ATG4A: variants seen among roughly 807,000 people sequenced by gnomAD.
The protein encoded by ATG4A is cysteine protease ATG4A.
Under a neutral mutation model 38.4 loss-of-function variants are expected in ATG4A, and 22 were observed. The ratio of observed to expected loss-of-function variants is 0.57; its 90% CI spans 0.41 to 0.82. The LOEUF is 0.82. Ranked by LOEUF, ATG4A falls within the 40% of genes least tolerant of loss-of-function variation. The pLI is 0.00. For missense variants in ATG4A, 220 were observed against 290.0 expected (o/e 0.76, Z 1.75); for synonymous variants, 86 against 100.7 (o/e 0.85, Z 0.88).
At chrX:108,126,021 C>A in intron 1 of ATG4A, 56 bp from the exon 2 acceptor site, 1 of 815,197 alleles carries the variant, frequency 1.2e-6, no homozygotes, top group Non-Finnish European at 1.8e-6. Flanking sequence ...AATCAGTCAA[C>A]CACAAAGATA....
intron 9 of ATG4A, chrX:108,143,700 A>G: frequency 4.1e-6 from 1 of 242,738 alleles, no homozygotes; most frequent in South Asian, 4.3e-5. Context: ...CTCTGGAACT[A>G]AGAACTCTAG....
chrX:108,089,038 A>G (rs2031532610), upstream of ATG4A, among the ~76,000 whole-genome samples: 2 of 112,541 alleles, frequency 1.8e-5, no homozygotes, highest in Non-Finnish European at 3.8e-5. Context: ...CATGGGGAGA[A>G]TGACATTGAT....
At chrX:108,153,585 G>T in intron 12 of ATG4A, 57 bp from the exon 13 acceptor site, 1 of 965,664 alleles carries the variant, frequency 1.0e-6, no homozygotes, top group South Asian at 2.0e-5. Flanking sequence ...AGTATTTACT[G>T]ACCACTTCAA....
Position 108,151,833 on chromosome X carries a change from A to G in ATG4A, c.992A>G (p.Asp331Gly). 1 of 1,209,479 alleles carries G rather than the reference A, an allele frequency of 8.3e-7. No individual in the cohort carries two copies. The highest frequency in any genetic ancestry group is 1.1e-6 in the Non-Finnish European group (1 of 893,660). The change falls in exon 11 of 13, where the codon GAT becomes GGT. Residue 331 changes from aspartate to glycine, a missense_variant. Asp to Gly is a moderately conservative substitution (Grantham distance 94). This residue lies in a region of ATG4A where 159 missense variants were observed against 188.9 expected (regional missense o/e 0.84). Transcript: ENST00000372232. The stretch of plus-strand genomic sequence containing the variant: ...TTCTGCAAAGAAGAAAAAGACTTTG[A>G]TAACTGGTGTAGCCTTGTTCAGAAG... ...GFFCKEEKDFDNWCSLVQKEI... is the reference protein window; with the variant it reads ...GFFCKEEKDFGNWCSLVQKEI...
At chrX:108,092,020 G>C in intron 1 of ATG4A, 184 bp downstream of exon 1, 1 of 740,720 alleles carries the variant, frequency 1.4e-6, no homozygotes, top group Non-Finnish European at 1.9e-6. Context: ...GGTTGGAGCT[G>C]AGTACTACCT....
At chrX:108,151,482 A>G (rs1438650108) in intron 10 of ATG4A, among the ~76,000 whole-genome samples, 1 of 112,332 alleles carries the variant, frequency 8.9e-6, no homozygotes, top group Non-Finnish European at 1.9e-5. Flanking sequence ...TTCTTTGGAG[A>G]TGTGTGTATT....
chrX:108,133,286 C>T (rs990445118), intron 4 of ATG4A, among the ~76,000 whole-genome samples: 15 of 112,323 alleles, frequency 1.3e-4, no homozygotes, highest in African/African-American at 4.5e-4. Flanking sequence ...CATTAGACAG[C>T]GTTTCTAGAG....
At position 108,151,849 on chromosome X, in the gene ATG4A, T is replaced by C. The variant is rs773626838; in HGVS notation, c.1008T>C (p.Leu336=). The change falls in exon 11 of 13, where the codon CTT becomes CTC. Residue 336 remains leucine (L), a synonymous_variant. Coordinates refer to ENST00000372232, the MANE Select transcript of ATG4A (RefSeq NM_052936.5). ...EEKDFDNWCS[L]VQKEILKENL... is the part of the protein sequence containing the mutation. ...AAGACTTTGATAACTGGTGTAGCCT[T>C]GTTCAGAAGGTAAAGCTATATGTTT... 15 of 1,201,335 alleles carry C rather than the reference T, an allele frequency of 1.2e-5. No individual in the cohort carries two copies. In the South Asian group the frequency reaches 2.7e-4, roughly 22 times the overall value.
At chrX:108,090,638 ACTGT>A (rs1255264193), upstream of ATG4A, among the ~76,000 whole-genome samples, 2 of 111,973 alleles carry the variant, frequency 1.8e-5, no homozygotes, top group African/African-American at 6.5e-5. Flanking sequence ...TGCTTACGAC[ACTGT>A]CTGCGAAACA....
upstream of ATG4A, chrX:108,091,398 T>G: frequency 8.3e-7 from 1 of 1,205,612 alleles, no homozygotes; most frequent in Non-Finnish European, 1.1e-6. Flanking sequence ...AGACCTAGCG[T>G]TGCTTTACCT....
chrX:108,147,729 TATGTATA>T, intron 9 of ATG4A, among the ~76,000 whole-genome samples: 1 of 110,995 alleles, frequency 9.0e-6, no homozygotes, highest in East Asian at 2.8e-4. Context: ...TCAATTGTAT[TATGTATA>T]GTCACTGAAC....
chrX:108,132,302 G>A (rs2032978555), intron 4 of ATG4A, among the ~76,000 whole-genome samples: 2 of 112,498 alleles, frequency 1.8e-5, no homozygotes, highest in African/African-American at 3.2e-5. Context: ...GCACTTGGGT[G>A]AAGGTCCAGT....
chrX:108,091,746 A>T, upstream of ATG4A: 1 of 1,166,801 alleles, frequency 8.6e-7, no homozygotes, highest in Non-Finnish European at 1.2e-6. Flanking sequence ...GCAGTGCAGA[A>T]CTACAAGTCC....
chrX:108,128,797 G>T lies in ATG4A; in HGVS notation c.138G>T (p.Leu46Phe), dbSNP rs751986548. ...TAATTACAGAAAAATCTAAGCTGTT[G>T]TCTGATATAAGTGCTCGTCTATGGT... ...HLLKTEKSKL[L>F]SDISARLWFT... is the part of the protein sequence containing the mutation. Residue 46 changes from leucine to phenylalanine, a missense_variant, in exon 3 of 13, where the codon TTG (leucine) becomes TTT (phenylalanine). Leu to Phe is a conservative substitution (Grantham distance 22, BLOSUM62 0). Coordinates refer to ENST00000372232, the MANE Select transcript of ATG4A (RefSeq NM_052936.5). 11 of 1,176,329 alleles carry T rather than the reference G, an allele frequency of 9.4e-6. No individual in the cohort carries two copies. Among genetic ancestry groups the T allele is most frequent in the Non-Finnish European group, 1.3e-5 (11 of 878,989 alleles).
Position 108,152,977 on chromosome X carries a change from A to G in ATG4A, c.1018-2A>G. 1 of 1,185,829 alleles carries G rather than the reference A, an allele frequency of 8.4e-7. No individual in the cohort carries two copies. Among genetic ancestry groups the G allele is most frequent in the Non-Finnish European group, 1.1e-6 (1 of 872,080 alleles). On this transcript the variant is annotated splice_acceptor_variant, in intron 11 of 12. Transcript: ENST00000372232. LOFTEE classifies it high-confidence loss of function. ...TTTAAAACTGTTTTGTCATCTCCCC[A>G]GGAAATTCTAAAGGAGAATTTAAGG...
At chrX:108,141,306 A>G (rs1286094207) in intron 9 of ATG4A, among the ~76,000 whole-genome samples, 1 of 106,418 alleles carries the variant, frequency 9.4e-6, no homozygotes, top group African/African-American at 3.4e-5. Flanking sequence ...GTGGCTGAGG[A>G]AAAAGGCTGA....
chrX:108,137,078 C>T lies in ATG4A; in HGVS notation c.468-13C>T, dbSNP rs2033124074. The T allele has an allele frequency of 3.4e-6, 4 of 1,193,292 alleles. No homozygotes were observed. The highest frequency in any genetic ancestry group is 4.5e-6 in the Non-Finnish European group (4 of 882,471). ...CTTCCCAAATTGTGACTTCATTATA[C>T]ATTGCTTTGCAGAAAACTTGCTTTA... On this transcript the variant is annotated splice_polypyrimidine_tract_variant and intron_variant, in intron 6 of 12. Transcript: ENST00000372232.
chrX:108,153,225 T>C, intron 12 of ATG4A, 138 bp downstream of exon 12: 1 of 453,416 alleles, frequency 2.2e-6, no homozygotes, highest in Non-Finnish European at 3.8e-6. Context: ...ATGGCACTTC[T>C]GGTTATTTTA....
intron 10 of ATG4A, among the ~76,000 whole-genome samples, chrX:108,151,062 T>A (rs2033576014): frequency 8.9e-6 from 1 of 112,217 alleles, no homozygotes; most frequent in Non-Finnish European, 1.9e-5. Context: ...AAATTATTGC[T>A]ACCCAGGCAC....
Sources: gnomAD v4.1 joint callset for allele counts (sites outside exome capture counted in the v4.1 genomes callset) on GRCh38, gnomAD v4.1.1 for gene constraint, gnomAD v4.1.1 regional missense constraint, MANE v1.5 for transcripts, NCBI Gene and HGNC (gene_info 2026-07-23, HGNC 2026-07-21) for gene names.